TACC1: variants seen among roughly 807,000 people sequenced by gnomAD.
TACC1 encodes transforming acidic coiled-coil-containing protein 1.
TACC1 carries 48 observed loss-of-function variants against 84.4 expected under a neutral mutation model. The ratio of observed to expected loss-of-function variants is 0.57; its 90% confidence interval spans 0.45 to 0.72. The LOEUF (loss-of-function observed/expected upper bound fraction) is 0.72. Ranked by LOEUF, TACC1 falls within the 30% of genes least tolerant of loss-of-function variation. TACC1 has a pLI of 0.00. For missense variants in TACC1, 920 were observed against 973.0 expected (o/e 0.95, Z 0.72); for synonymous variants, 372 against 376.3 (o/e 0.99, Z 0.13).
At chr8:38,842,603 A>AT (rs570353501) in intron 10 of TACC1, among the ~76,000 whole-genome samples, 156 bp downstream of exon 10, 8 of 152,128 alleles carry the variant, frequency 5.3e-5, no homozygotes, top group Non-Finnish European at 1.0e-4. Context: ...GTGAAGCTGG[A>AT]TTTTTTTCCA....
intron 3 of TACC1, among the ~76,000 whole-genome samples, chr8:38,769,202 GTGAT>G (rs1224829251): frequency 6.7e-6 from 1 of 149,040 alleles, no homozygotes; most frequent in African/African-American, 2.5e-5. Context: ...TGTGGTGTGT[GTGAT>G]TGTGTGGTGT....
At chr8:38,733,802 C>G (rs972604974) in intron 1 of TACC1, among the ~76,000 whole-genome samples, 2 of 152,010 alleles carry the variant, frequency 1.3e-5, no homozygotes, top group Non-Finnish European at 2.9e-5. Context: ...TCTTAATTCA[C>G]GGGACAACCT....
intron 7 of TACC1, 121 bp downstream of exon 7, chr8:38,836,408 C>T (rs1830243442): frequency 7.1e-7 from 1 of 1,411,506 alleles, no homozygotes; most frequent in African/African-American, 1.4e-5. Context: ...TTATTACCTG[C>T]AGCTTGTTTA....
intron 3 of TACC1, among the ~76,000 whole-genome samples, chr8:38,769,770 CTG>C (rs1252441780): frequency 4.8e-5 from 6 of 123,800 alleles, no homozygotes; most frequent in East Asian, 4.9e-4. Context: ...GTATGCGAGA[CTG>C]TGTATGGGTT....
chr8:38,732,597 G>A (rs1805173378), intron 1 of TACC1, among the ~76,000 whole-genome samples: 1 of 152,174 alleles, frequency 6.6e-6, no homozygotes, highest in Non-Finnish European at 1.5e-5. Context: ...ATCAATGGCT[G>A]ACATTGACTG....
chr8:38,742,174 T>G (rs1012586784), intron 1 of TACC1, among the ~76,000 whole-genome samples: 1 of 152,210 alleles, frequency 6.6e-6, no homozygotes, highest in African/African-American at 2.4e-5. Flanking sequence ...AGACTTTTTT[T>G]TGCCAGAATT....
Position 38,760,601 on chromosome 8 carries a change from G to T in TACC1, c.26+15108G>T, listed in dbSNP as rs575964670. On this transcript the variant is annotated intron_variant, in intron 3 of 14. Transcript: ENST00000518415. ...GGCTGGAGTGCAGTGGCACATCTCG[G>T]CTCACTGCAACCTTCAGGTTCAAGT... Among the ~76,000 whole-genome samples, 153 of 152,166 alleles carry T rather than the reference G, an allele frequency of 1.0e-3. 5 individuals carry two copies. The South Asian group carries it at 0.03, about 30-fold the overall frequency.
intron 1 of TACC1, among the ~76,000 whole-genome samples, chr8:38,737,031 G>T (rs901471655): frequency 5.3e-5 from 8 of 152,290 alleles, no homozygotes; most frequent in African/African-American, 1.7e-4. Context: ...TGACTCAAGG[G>T]TTGGATCCTA....
chr8:38,811,916 C>A (rs1186624400), intron 2 of TACC1, among the ~76,000 whole-genome samples: 2 of 152,134 alleles, frequency 1.3e-5, no homozygotes, highest in Non-Finnish European at 2.9e-5. Context: ...TTGCTGAATT[C>A]TTTTCCCAGC....
At chr8:38,827,604 G>GT in intron 5 of TACC1, 1 of 568,070 alleles carries the variant, frequency 1.8e-6, no homozygotes, top group South Asian at 2.1e-5. Flanking sequence ...AGATGCTGAT[G>GT]TATGTGAGAC....
Position 38,848,021 on chromosome 8 carries a change from T to A in TACC1, c.2416T>A (p.Ter806ArgextTer38). Residue 806 changes from the stop codon to arginine, a stop_lost, in exon 13 of 13, where the codon TGA (stop) becomes AGA (arginine). Transcript: ENST00000317827. ...GATTGCAAAGCTGGGAAAGACTGAC[T>A]GAGACACTCCCCCTGTTAGCTCAAC... ...ELIAKLGKTD[*>R] The A allele has an allele frequency of 6.2e-7, 1 of 1,613,644 alleles. No homozygotes were observed. Among genetic ancestry groups the A allele is most frequent in the Non-Finnish European group, 8.5e-7 (1 of 1,179,710 alleles).
intron 2 of TACC1, among the ~76,000 whole-genome samples, chr8:38,798,433 CCT>C (rs1820502206): frequency 6.6e-6 from 1 of 152,080 alleles, no homozygotes; most frequent in Admixed American, 6.5e-5. Flanking sequence ...TTAGGGGGAG[CCT>C]CTCTCAGGAG....
chr8:38,815,682 G>C (rs879910898), intron 2 of TACC1, among the ~76,000 whole-genome samples: 1 of 152,160 alleles, frequency 6.6e-6, no homozygotes, highest in Non-Finnish European at 1.5e-5. Flanking sequence ...GCCTCCCAAA[G>C]TGCTGGGATT....
intron 2 of TACC1, among the ~76,000 whole-genome samples, chr8:38,808,874 G>C (rs1458825266): frequency 6.6e-6 from 1 of 151,956 alleles, no homozygotes; most frequent in African/African-American, 2.4e-5. Context: ...CCCCAAACTG[G>C]TTTAAGTAAA....
At chr8:38,744,848 CTTCTGGGTATTATAGATAA>C (rs1448235679) in intron 2 of TACC1, 1 of 152,162 alleles carries the variant, frequency 6.6e-6, no homozygotes, top group Admixed American at 6.5e-5. Flanking sequence ...TGGGCTTCTG[CTTCTGGGTATTATAGATAA>C]TTCTGGGTAT....
At chr8:38,766,279 G>C (rs779321243) in intron 3 of TACC1, among the ~76,000 whole-genome samples, 5 of 152,172 alleles carry the variant, frequency 3.3e-5, no homozygotes, top group Non-Finnish European at 5.9e-5. Flanking sequence ...TTGTACAATA[G>C]TACAGTTTTA....
intron 3 of TACC1, among the ~76,000 whole-genome samples, chr8:38,822,019 A>G (rs1417519071): frequency 6.6e-6 from 1 of 152,008 alleles, no homozygotes; most frequent in African/African-American, 2.4e-5. Flanking sequence ...CCAGGAGTTC[A>G]AGACCAGCCT....
intron 3 of TACC1, among the ~76,000 whole-genome samples, chr8:38,757,921 A>G (rs1301148174): frequency 2.0e-5 from 3 of 152,160 alleles, no homozygotes; most frequent in Admixed American, 2.0e-4. Flanking sequence ...AAAGGGCAGT[A>G]TTGTAGCAGC....
chr8:38,807,740 T>A (rs1487005438), intron 2 of TACC1, among the ~76,000 whole-genome samples: 1 of 152,222 alleles, frequency 6.6e-6, no homozygotes, highest in Non-Finnish European at 1.5e-5. Flanking sequence ...GACTTTCAAG[T>A]TTTTTCATAG....
Sources: gnomAD v4.1 joint callset for allele counts (sites outside exome capture counted in the v4.1 genomes callset) on GRCh38, gnomAD v4.1.1 for gene constraint, MANE v1.5 for transcripts, NCBI Gene and HGNC (gene_info 2026-07-23, HGNC 2026-07-21) for gene names.